Variants in ZYG11B observed in about 807,000 individuals in gnomAD.
ZYG11B encodes protein zyg-11 homolog B.
In ZYG11B, 36 loss-of-function variants were observed where a neutral mutation model predicts 82.4. That is an observed-to-expected ratio of 0.44 (90% CI 0.33 to 0.58). ZYG11B has a LOEUF of 0.58. ZYG11B is among the 20% of genes least tolerant of loss of function. The pLI is 0.02. For missense variants in ZYG11B, 552 were observed against 895.6 expected (o/e 0.62, Z 4.90); for synonymous variants, 303 against 312.8 (o/e 0.97, Z 0.33).
intron 2 of ZYG11B, among the ~76,000 whole-genome samples, chr1:52,766,302 G>A (rs530944477): frequency 4.6e-5 from 7 of 151,806 alleles, no homozygotes; most frequent in Admixed American, 1.3e-4. Flanking sequence ...TGTATTTTTA[G>A]TAGAGATGGG....
At position 52,779,893 on chromosome 1, in the gene ZYG11B, T is replaced by C; in HGVS notation, c.992T>C (p.Leu331Pro). The part of the protein sequence containing the change: ...EANETQIAEA[L>P]KRYSERAFFV... ...AATGAAACTCAGATTGCAGAAGCAC[T>C]GAAGCGTTACAGTGAACGGGCATTC... Residue 331 changes from leucine (L) to proline (P), a missense_variant, in exon 4 of 14, where the codon CTG becomes CCG. By Grantham distance (98) the Leu-to-Pro change is moderately conservative. This residue lies in a region of ZYG11B where 359 missense variants were observed against 555.8 expected (regional missense o/e 0.65). Coordinates refer to ENST00000294353, the MANE Select transcript of ZYG11B (RefSeq NM_024646.3). 1 of 1,614,214 alleles carries C rather than the reference T, an allele frequency of 6.2e-7. No individual in the cohort carries two copies. The highest frequency in any genetic ancestry group is 8.5e-7 in the Non-Finnish European group (1 of 1,180,042).
chr1:52,817,775 G>GTATATATA (rs1553264314), intron 13 of ZYG11B, among the ~76,000 whole-genome samples: 360 of 32,516 alleles, frequency 0.011, 25 homozygotes, highest in Middle Eastern at 0.025. Flanking sequence ...GTATATATAT[G>GTATATATA]TGTATATATA....
intron 2 of ZYG11B, among the ~76,000 whole-genome samples, chr1:52,759,311 A>G (rs1333811331): frequency 6.6e-6 from 1 of 152,240 alleles, no homozygotes; most frequent in Admixed American, 6.5e-5. Context: ...TAACTTTGCC[A>G]GATTGGGTTA....
intron 8 of ZYG11B, among the ~76,000 whole-genome samples, chr1:52,799,585 C>T (rs918427206): frequency 4.7e-5 from 7 of 150,360 alleles, no homozygotes; most frequent in Non-Finnish European, 1.0e-4. Context: ...GTCAGGAGTT[C>T]GACACCAGCC....
intron 6 of ZYG11B, among the ~76,000 whole-genome samples, chr1:52,790,773 C>CTTTTT: frequency 7.9e-4 from 61 of 77,670 alleles, no homozygotes; most frequent in East Asian, 3.2e-3. Flanking sequence ...GTCCAGTGTT[C>CTTTTT]TTTTTTTTTT....
rs549129605 is a variant in ZYG11B, at chr1:52,756,831, TTTC to T, written c.196+209_196+211del. On this transcript the variant is annotated intron_variant, in intron 2 of 13. Coordinates refer to ENST00000294353, the MANE Select transcript of ZYG11B (RefSeq NM_024646.3). ...AACATTTTTCTTTTTTTTTTTTTTT[TTTC>T]CTTGACAGGGTCTCACTCTGTTACC... Among the ~76,000 whole-genome samples the T allele has an allele frequency of 1.5e-3, 231 of 150,754 alleles. 1 individual carries two copies. The highest frequency in any genetic ancestry group is 7.7e-3 in the Admixed American group (117 of 15,122).
intron 10 of ZYG11B, among the ~76,000 whole-genome samples, chr1:52,811,651 G>A (rs769728807): frequency 3.3e-5 from 5 of 151,876 alleles, no homozygotes; most frequent in Non-Finnish European, 5.9e-5. Context: ...TTGTTTTTCC[G>A]GAAGCATCTC....
Position 52,784,951 on chromosome 1 carries a change from C to T in ZYG11B, c.1167C>T (p.Asn389=). Residue 389 remains asparagine, a synonymous_variant, in exon 5 of 14, where the codon AAC becomes AAT. Transcript: ENST00000294353. ...VQLAASACVF[N]LTKQDLAAGM... ...TGGCTGCAAGCGCCTGTGTATTTAA[C>T]TTAACCAAGCAGGATCTTGCTGCAG... The T allele has an allele frequency of 1.2e-6, 2 of 1,614,146 alleles. No individual in the cohort carries two copies. The highest frequency in any genetic ancestry group is 1.7e-6 in the Non-Finnish European group (2 of 1,180,026).
intron 10 of ZYG11B, among the ~76,000 whole-genome samples, chr1:52,809,754 CTGA>C (rs1000276962): frequency 9.9e-5 from 15 of 152,010 alleles, no homozygotes; most frequent in African/African-American, 3.6e-4. Context: ...TTGCATTTCT[CTGA>C]TGATAAGTGG....
intron 5 of ZYG11B, among the ~76,000 whole-genome samples, chr1:52,788,001 T>A (rs1397528156): frequency 6.6e-6 from 1 of 152,056 alleles, no homozygotes; most frequent in Non-Finnish European, 1.5e-5. Flanking sequence ...AAAAAATGAA[T>A]AAGATTTCCC....
chr1:52,797,074 T>C (rs1471459193), intron 8 of ZYG11B, among the ~76,000 whole-genome samples: 1 of 52,826 alleles, frequency 1.9e-5, no homozygotes, highest in Non-Finnish European at 2.8e-5. Context: ...TTATATATTA[T>C]ATATTGTATA....
At chr1:52,783,851 C>CAT (rs1558132624) in intron 4 of ZYG11B, among the ~76,000 whole-genome samples, 619 of 51,764 alleles carry the variant, frequency 0.012, 12 homozygotes, top group African/African-American at 0.051. Context: ...TGTACATACA[C>CAT]GTGTGTGTGT....
rs1237440231 is a variant in ZYG11B at position 52,824,826 on chromosome 1, A to G, written c.*3197A>G. 6.6e-6 allele frequency: 1 copy of G among 152,102 alleles called. No individual in the cohort carries two copies. The highest frequency in any genetic ancestry group is 1.9e-4 in the East Asian group (1 of 5,184). 9.4% of individuals were successfully genotyped at this position (152,102 alleles called of 1,614,324 possible). ...TATGAGGCATAAGTAGCCAGTATCT[A>G]TAGTTAGAATCTACAAGGCCTCCTT... On this transcript the variant is annotated 3_prime_UTR_variant, in exon 14 of 14. Coordinates refer to ENST00000294353, the MANE Select transcript of ZYG11B (RefSeq NM_024646.3).
chr1:52,762,981 G>A (rs75667362), intron 2 of ZYG11B, among the ~76,000 whole-genome samples: 7 of 139,266 alleles, frequency 5.0e-5, no homozygotes, highest in South Asian at 2.6e-4. Flanking sequence ...GAGATTGGGG[G>A]GGGGGGGTCT....
intron 2 of ZYG11B, among the ~76,000 whole-genome samples, chr1:52,761,208 T>A (rs1644627542): frequency 6.6e-6 from 1 of 152,204 alleles, no homozygotes; most frequent in South Asian, 2.1e-4. Context: ...ATATTCACTA[T>A]CATCCTTGTA....
At chr1:52,783,838 A>G (rs201008274) in intron 4 of ZYG11B, among the ~76,000 whole-genome samples, 1,607 of 101,624 alleles carry the variant, frequency 0.016, 88 homozygotes, top group East Asian at 0.15. Flanking sequence ...ATACGTGTGT[A>G]TATGTACATA....
chr1:52,804,937 C>T (rs1350549388), intron 10 of ZYG11B, among the ~76,000 whole-genome samples: 3 of 151,466 alleles, frequency 2.0e-5, no homozygotes, highest in Non-Finnish European at 4.4e-5. Flanking sequence ...ACTAAAAATA[C>T]AAAATTAGCC....
chr1:52,771,841 A>C lies in ZYG11B; in HGVS notation c.951+67A>C. 1 of 1,498,144 alleles carries C rather than the reference A, an allele frequency of 6.7e-7. No homozygotes were observed. Among genetic ancestry groups the C allele is most frequent in the Non-Finnish European group, 9.0e-7 (1 of 1,109,896 alleles). 92.8% of individuals were successfully genotyped at this position (1,498,144 alleles called of 1,614,324 possible). On this transcript the variant is annotated intron_variant, in intron 3 of 13. Coordinates refer to ENST00000294353, the MANE Select transcript of ZYG11B (RefSeq NM_024646.3). The surrounding 1 kb of genome is among the most constrained non-coding windows in gnomAD (Gnocchi z 5.4). ...ATCTTAGTTGCATAAGACTCTATTA[A>C]AGATGAATGTCTGTAATATATGGAA...
At chr1:52,795,503 C>T (rs1277842201) in intron 6 of ZYG11B, among the ~76,000 whole-genome samples, 2 of 152,118 alleles carry the variant, frequency 1.3e-5, no homozygotes, top group Admixed American at 1.3e-4. Flanking sequence ...GAACTCTTCC[C>T]TTGTTCTCTC....
Sources: allele counts gnomAD v4.1 joint callset (sites outside exome capture counted in the v4.1 genomes callset), GRCh38; gene constraint gnomAD v4.1.1; regional missense constraint gnomAD v4.1.1; non-coding constraint Gnocchi (gnomAD v3.1); transcripts MANE v1.5; gene names NCBI Gene and HGNC (gene_info 2026-07-23, HGNC 2026-07-21).